Variants in DNAJC6 observed in about 807,000 individuals in gnomAD.
DNAJC6 encodes the protein auxilin.
Under a neutral mutation model 110.0 loss-of-function variants are expected in DNAJC6, and 34 were observed. That is an observed-to-expected ratio of 0.31 (90% CI 0.24 to 0.41). The LOEUF is 0.41. DNAJC6 is among the 10% of genes least tolerant of loss of function. DNAJC6 has a pLI of 1.00. For synonymous variants in DNAJC6, 406 were observed against 437.2 expected (o/e 0.93, Z 0.89); for missense variants, 1,031 against 1,207.8 (o/e 0.85, Z 2.17).
At chr1:65,327,070 G>A (rs1645248081) in intron 1 of DNAJC6, among the ~76,000 whole-genome samples, 1 of 152,108 alleles carries the variant, frequency 6.6e-6, no homozygotes. Context: ...GACAGTACAG[G>A]TAAAAAGTAA....
intron 4 of DNAJC6, among the ~76,000 whole-genome samples, chr1:65,369,806 T>G (rs1007087359): frequency 2.6e-5 from 4 of 152,236 alleles, no homozygotes; most frequent in Non-Finnish European, 2.9e-5. Context: ...GATTCACTTT[T>G]ATGCTTAGAA....
intron 1 of DNAJC6, among the ~76,000 whole-genome samples, chr1:65,276,527 G>A (rs528512931): frequency 6.6e-6 from 1 of 152,182 alleles, no homozygotes; most frequent in South Asian, 2.1e-4. Context: ...TCTACTTCTG[G>A]TTCTCCTAAT....
At chr1:65,407,926 A>G (rs1339116866) in intron 16 of DNAJC6, among the ~76,000 whole-genome samples, 1 of 152,242 alleles carries the variant, frequency 6.6e-6, no homozygotes, top group Admixed American at 6.5e-5. Context: ...TGTTTTAACA[A>G]GCATTTAGAT....
At chr1:65,332,111 A>G (rs1043041001) in intron 1 of DNAJC6, among the ~76,000 whole-genome samples, 3 of 151,500 alleles carry the variant, frequency 2.0e-5, no homozygotes, top group African/African-American at 4.9e-5. Flanking sequence ...GCTTTTCTGG[A>G]CTCTTTTTTG....
intron 1 of DNAJC6, among the ~76,000 whole-genome samples, chr1:65,281,045 T>C (rs1653827773): frequency 2.0e-5 from 3 of 152,134 alleles, no homozygotes; most frequent in Middle Eastern, 3.4e-3. Context: ...AAGCAGTTCT[T>C]GTGCCTCAGC....
At chr1:65,373,974 A>T (rs563406851) in intron 4 of DNAJC6, among the ~76,000 whole-genome samples, 1 of 152,140 alleles carries the variant, frequency 6.6e-6, no homozygotes, top group African/African-American at 2.4e-5. Flanking sequence ...TTAGAGATAT[A>T]GGTCTATTTT....
intron 1 of DNAJC6, among the ~76,000 whole-genome samples, chr1:65,290,744 G>A (rs1644865849): frequency 6.6e-6 from 1 of 152,174 alleles, no homozygotes; most frequent in East Asian, 1.9e-4. Context: ...TTAGAGTATT[G>A]TTGTAAGCAT....
At chr1:65,335,108 CTT>C (rs71056100) in intron 1 of DNAJC6, among the ~76,000 whole-genome samples, 11 of 142,892 alleles carry the variant, frequency 7.7e-5, no homozygotes, top group Admixed American at 1.4e-4. Context: ...CTATGTCTGT[CTT>C]TTTTTTTTTT....
chr1:65,346,923 G>A (rs2101504092), intron 1 of DNAJC6, among the ~76,000 whole-genome samples: 1 of 151,858 alleles, frequency 6.6e-6, no homozygotes, highest in African/African-American at 2.4e-5. Flanking sequence ...CACCACCCCT[G>A]CCTGCCACAC....
At chr1:65,304,331 T>G (rs1011720143) in intron 1 of DNAJC6, among the ~76,000 whole-genome samples, 8 of 152,234 alleles carry the variant, frequency 5.3e-5, no homozygotes, top group Non-Finnish European at 1.2e-4. Flanking sequence ...CTGTTAAATG[T>G]CATCCATCAG....
intron 1 of DNAJC6, among the ~76,000 whole-genome samples, chr1:65,349,384 T>C (rs1222030324): frequency 6.6e-6 from 1 of 151,978 alleles, no homozygotes; most frequent in East Asian, 1.9e-4. Flanking sequence ...CCATAATCTT[T>C]TATATTCACC....
chr1:65,348,119 G>T (rs187281715), intron 1 of DNAJC6, among the ~76,000 whole-genome samples: 1 of 152,266 alleles, frequency 6.6e-6, no homozygotes, highest in African/African-American at 2.4e-5. Context: ...TGCCCTGCCA[G>T]CTACTAGCAA....
chr1:65,404,023 T>A (rs543668610), intron 15 of DNAJC6, among the ~76,000 whole-genome samples: 1 of 152,222 alleles, frequency 6.6e-6, no homozygotes, highest in Non-Finnish European at 1.5e-5. Context: ...AAAACACATA[T>A]GTTCAGAACA....
intron 16 of DNAJC6, among the ~76,000 whole-genome samples, chr1:65,406,723 G>A (rs532886163): frequency 9.9e-5 from 15 of 152,238 alleles, no homozygotes; most frequent in African/African-American, 3.6e-4. Context: ...AGGATACTCT[G>A]GATAGGATCT....
intron 1 of DNAJC6, among the ~76,000 whole-genome samples, chr1:65,351,416 C>T (rs1017593368): frequency 1.3e-5 from 2 of 152,106 alleles, no homozygotes; most frequent in African/African-American, 2.4e-5. Flanking sequence ...GTTGTGGGTT[C>T]ATATTTTAGA....
In DNAJC6 at chr1:65,384,275, G is replaced by A. The variant is rs1344084789; in HGVS notation, c.749G>A (p.Arg250Gln). 1.3e-5 allele frequency: 21 copies of A among 1,587,696 alleles called. No individual in the cohort carries two copies. The highest frequency in any genetic ancestry group is 1.7e-5 in the Non-Finnish European group (20 of 1,168,780). The change falls in exon 6 of 19, where the codon CGA becomes CAA. Residue 250 changes from arginine (R) to glutamine (Q), a missense_variant. Physicochemically the swap from Arg to Gln is conservative, Grantham distance 43 (BLOSUM62 1). Transcript: ENST00000371069. ...TACTCTACTCCTGGCCCAGCCATTC[G>A]ATTGCTATATGCAAAGCGACCAGGA... ...NLYSTPGPAI[R>Q]LLYAKRPGIG...
At chr1:65,309,366 C>A (rs1177705110), upstream of DNAJC6, among the ~76,000 whole-genome samples, 1 of 151,692 alleles carries the variant, frequency 6.6e-6, no homozygotes, top group Non-Finnish European at 1.5e-5. Flanking sequence ...TGCCCTGCTG[C>A]GCGGCGGGGC....
intron 1 of DNAJC6, among the ~76,000 whole-genome samples, chr1:65,337,691 G>A (rs947345483): frequency 4.6e-5 from 7 of 152,108 alleles, no homozygotes; most frequent in Non-Finnish European, 1.0e-4. Context: ...GATTTGTCTA[G>A]CATTTACATT....
At chr1:65,386,982 G>A in intron 8 of DNAJC6, 53 bp downstream of exon 8, 4 of 1,417,688 alleles carry the variant, frequency 2.8e-6, no homozygotes, top group East Asian at 2.3e-5. Context: ...TTCAATAGGA[G>A]TATTTCTGAA....
Sources: allele counts gnomAD v4.1 joint callset (sites outside exome capture counted in the v4.1 genomes callset), GRCh38; gene constraint gnomAD v4.1.1; transcripts MANE v1.5; gene names NCBI Gene and HGNC (gene_info 2026-07-23, HGNC 2026-07-21).